The following IFI44 variants were observed in gnomAD, a reference collection of about 807,000 sequenced individuals.
IFI44 encodes interferon induced protein 44.
IFI44 carries 42 observed loss-of-function variants against 45.0 expected under a neutral mutation model. The ratio of observed to expected loss-of-function variants is 0.93; its 90% CI spans 0.73 to 1.21. The LOEUF is 1.21. Among genes scored for constraint, IFI44 ranks in the 50% most tolerant of loss-of-function variants. The pLI, the probability that IFI44 is intolerant of heterozygous loss-of-function variation, is 0.00. For synonymous variants in IFI44, 221 were observed against 188.6 expected (o/e 1.17, Z -1.41); for missense variants, 623 against 525.8 (o/e 1.18, Z -1.81).
rs117740555 is a variant in IFI44 at position 78,656,302 on chromosome 1, T to C, written c.840+791T>C. On this transcript the variant is annotated intron_variant, in intron 5 of 8. Coordinates refer to ENST00000370747, the MANE Select transcript of IFI44 (RefSeq NM_006417.5). ...AGAGGAAGGGGAGATCAAAAAACCA[T>C]CTAAGTATATATTTTTTAAACTTGT... Among the ~76,000 whole-genome samples, 90 of 152,350 alleles carry C rather than the reference T, an allele frequency of 5.9e-4. 1 individual carries two copies. The East Asian group carries it at 0.017, about 28-fold the overall frequency.
rs544118268 is a variant in IFI44, at chr1:78,653,033, C to A, written c.458-1210C>A. ...ATATGAGTGGTGATATGACATTTAG[C>A]AAATTTGTCTTTCTTTGATAAAACA... On this transcript the variant is annotated intron_variant, in intron 2 of 8. Transcript: ENST00000370747. 2.6e-5 allele frequency among the ~76,000 whole-genome samples: 4 copies of A among 152,076 alleles called. No individual in the cohort carries two copies. In the South Asian group the frequency reaches 8.3e-4, roughly 32 times the overall value.
chr1:78,650,461 A>G lies in IFI44; in HGVS notation c.266A>G (p.Glu89Gly), dbSNP rs761559516. The change falls in exon 2 of 9, where the codon GAA becomes GGA. Residue 89 changes from glutamate (E) to glycine (G), a missense_variant. Coordinates refer to ENST00000370747, the MANE Select transcript of IFI44 (RefSeq NM_006417.5). ...LFALQDTKIS[E>G]WKLGLCTPET... ...GCACTTCAAGATACTAAAATTTCAG[A>G]ATGGAAACTAGGACTATGTACACCA... The G allele has an allele frequency of 5.0e-6, 8 of 1,613,990 alleles. No individual in the cohort carries two copies. Among genetic ancestry groups the G allele is most frequent in the African/African-American group, 1.3e-5 (1 of 74,932 alleles).
At chr1:78,663,158 C>G in intron 8 of IFI44, 1 of 985,272 alleles carries the variant, frequency 1.0e-6, no homozygotes, top group South Asian at 4.7e-5. Flanking sequence ...CTCTGAACAT[C>G]CCAAGCTGTA....
intron 3 of IFI44, among the ~76,000 whole-genome samples, chr1:78,654,651 A>G (rs1647179395): frequency 6.6e-6 from 1 of 151,908 alleles, no homozygotes; most frequent in South Asian, 2.1e-4. Context: ...GTCTACTTTC[A>G]TGAACTTCAG....
intron 2 of IFI44, among the ~76,000 whole-genome samples, chr1:78,652,085 A>G (rs1647133308): frequency 6.6e-6 from 1 of 151,868 alleles, no homozygotes; most frequent in African/African-American, 2.4e-5. Flanking sequence ...TAATCCATGG[A>G]ATCTGGATTT....
At position 78,650,631 on chromosome 1, in the gene IFI44, T is replaced by G. The variant is rs1647108872; in HGVS notation, c.436T>G (p.Tyr146Asp). 8 of 1,589,672 alleles carry G rather than the reference T, an allele frequency of 5.0e-6. No individual in the cohort carries two copies. Among genetic ancestry groups the G allele is most frequent in the Non-Finnish European group, 6.8e-6 (8 of 1,170,386 alleles). ...AAATTGTACTATCTCTATTCAGGAT[T>G]ATGAAGTTTTTCGATGCGAAGGTAG... ...AQNCTISIQDYEVFRCEDSLD... is the reference protein window; with the variant it reads ...AQNCTISIQDDEVFRCEDSLD... The change falls in exon 2 of 9, where the codon TAT becomes GAT. Residue 146 changes from tyrosine to aspartate, a missense_variant. Coordinates refer to ENST00000370747, the MANE Select transcript of IFI44 (RefSeq NM_006417.5).
Position 78,660,539 on chromosome 1 carries a change from T to A in IFI44, c.1013-15T>A. On this transcript the variant is annotated splice_polypyrimidine_tract_variant and intron_variant, in intron 6 of 8. Transcript: ENST00000370747. ...ATGCTCTCTAAAATGATTTAAAAAATTCTGTTTGGCATAGGTGTGGTACAT... is the reference window on the plus strand; with the variant it reads ...ATGCTCTCTAAAATGATTTAAAAAAATCTGTTTGGCATAGGTGTGGTACAT... The A allele has an allele frequency of 6.3e-7, 1 of 1,583,608 alleles. No homozygotes were observed. The highest frequency in any genetic ancestry group is 8.7e-7 in the Non-Finnish European group (1 of 1,155,192).
intron 5 of IFI44, among the ~76,000 whole-genome samples, chr1:78,658,096 A>G (rs1307056042): frequency 1.3e-5 from 2 of 152,104 alleles, no homozygotes; most frequent in Non-Finnish European, 2.9e-5. Flanking sequence ...AAAATAAATT[A>G]TAAACTTATA....
intron 7 of IFI44, 131 bp from the exon 8 acceptor site, chr1:78,662,573 C>G: frequency 1.5e-6 from 1 of 672,084 alleles, no homozygotes; most frequent in East Asian, 2.7e-5. Flanking sequence ...TTTGTGAGAC[C>G]AGATCTCCAT....
At position 78,650,573 on chromosome 1, in the gene IFI44, C is replaced by G; in HGVS notation, c.378C>G (p.Asp126Glu). ...IDGRNRKVIMDLKTMENLGLA... is the reference protein window; with the variant it reads ...IDGRNRKVIMELKTMENLGLA... ...GAAGAAATAGAAAAGTGATTATGGA[C>G]TTAAAGACAATGGAAAATCTTGGAC... The change falls in exon 2 of 9, where the codon GAC becomes GAG. Residue 126 changes from aspartate to glutamate, a missense_variant. Transcript: ENST00000370747. The G allele has an allele frequency of 6.2e-7, 1 of 1,612,746 alleles. No homozygotes were observed. The highest frequency in any genetic ancestry group is 8.5e-7 in the Non-Finnish European group (1 of 1,179,486).
At chr1:78,659,564 G>A in intron 6 of IFI44, 81 bp downstream of exon 6, 1 of 1,121,074 alleles carries the variant, frequency 8.9e-7, no homozygotes, top group South Asian at 1.6e-5. Flanking sequence ...TTTTTGGACA[G>A]GATAAAGAAC....
At chr1:78,663,582 C>CA (rs1647595055) in intron 8 of IFI44, 183 bp from the exon 9 acceptor site, 2 of 985,246 alleles carry the variant, frequency 2.0e-6, no homozygotes, top group East Asian at 1.1e-4. Context: ...GGGAAACTCT[C>CA]ATGTTACTAA....
intron 8 of IFI44, chr1:78,663,148 C>G (rs1647566334): frequency 2.0e-6 from 2 of 985,230 alleles, no homozygotes; most frequent in African/African-American, 1.7e-5. Context: ...CATTTCCACT[C>G]TCTGAACATC....
rs1553174800 is a variant in IFI44 at position 78,650,657 on chromosome 1, G to A, written c.457+5G>A. The A allele has an allele frequency of 1.3e-6, 2 of 1,548,654 alleles. No individual in the cohort carries two copies. The highest frequency in any genetic ancestry group is 8.8e-7 in the Non-Finnish European group (1 of 1,142,664). ...ATGAAGTTTTTCGATGCGAAGGTAGGTTTAATTAGATAATCCTGTAGAGAG... is the reference window on the plus strand; with the variant it reads ...ATGAAGTTTTTCGATGCGAAGGTAGATTTAATTAGATAATCCTGTAGAGAG... On this transcript the variant is annotated splice_donor_5th_base_variant and intron_variant, in intron 2 of 8. Transcript: ENST00000370747.
chr1:78,661,749 G>A lies in IFI44; in HGVS notation c.1114-955G>A, dbSNP rs369751018. ...GAGAAGGAAAGTATAGTGTTAAAGGGGTTCGGGGAGATTTCATCAATGGAA... is the reference window on the plus strand; with the variant it reads ...GAGAAGGAAAGTATAGTGTTAAAGGAGTTCGGGGAGATTTCATCAATGGAA... On this transcript the variant is annotated intron_variant, in intron 7 of 8. Coordinates refer to ENST00000370747, the MANE Select transcript of IFI44 (RefSeq NM_006417.5). Among the ~76,000 whole-genome samples the A allele has an allele frequency of 5.3e-5, 8 of 152,240 alleles. No individual in the cohort carries two copies. The East Asian group carries it at 1.5e-3, about 29-fold the overall frequency.
At chr1:78,658,651 C>T (rs1002440727) in intron 5 of IFI44, among the ~76,000 whole-genome samples, 1 of 152,020 alleles carries the variant, frequency 6.6e-6, no homozygotes, top group African/African-American at 2.4e-5. Flanking sequence ...AAATTTCTCC[C>T]CTCTTCCCAT....
Position 78,662,854 on chromosome 1 carries a change from G to A in IFI44, c.1264G>A (p.Glu422Lys). The change falls in exon 8 of 9, where the codon GAG becomes AAG. Residue 422 changes from glutamate (E) to lysine (K), a missense_variant. By Grantham distance (56) the Glu-to-Lys change is moderately conservative (BLOSUM62 1). Coordinates refer to ENST00000370747, the MANE Select transcript of IFI44 (RefSeq NM_006417.5). The stretch of plus-strand genomic sequence containing the variant: ...GCTATGGGCTGCAGATGACTTCTTA[G>A]AGGATTTGCCTTTTGAGCAAATAGG... ...RMLWAADDFL[E>K]DLPFEQIGNL... The A allele has an allele frequency of 6.2e-7, 1 of 1,610,264 alleles. No homozygotes were observed. The highest frequency in any genetic ancestry group is 8.5e-7 in the Non-Finnish European group (1 of 1,178,994).
chr1:78,658,973 CT>C (rs1006290131), intron 5 of IFI44, among the ~76,000 whole-genome samples: 12 of 151,918 alleles, frequency 7.9e-5, no homozygotes, highest in Admixed American at 1.3e-4. Flanking sequence ...ATGGTACCAG[CT>C]TTTTTTTCTG....
At chr1:78,662,332 G>A (rs940318785) in intron 7 of IFI44, among the ~76,000 whole-genome samples, 2 of 152,166 alleles carry the variant, frequency 1.3e-5, no homozygotes, top group African/African-American at 4.8e-5. Flanking sequence ...TTCGAACCTA[G>A]GCAGTTTGAT....
Sources: gnomAD v4.1 joint callset for allele counts (sites outside exome capture counted in the v4.1 genomes callset) on GRCh38, gnomAD v4.1.1 for gene constraint, MANE v1.5 for transcripts, NCBI Gene and HGNC (gene_info 2026-07-23, HGNC 2026-07-21) for gene names.